The following NCAM2 variants were observed in gnomAD, a reference collection of about 807,000 sequenced individuals.
NCAM2 encodes the protein N-CAM-2.
NCAM2 carries 30 observed loss-of-function variants against 98.1 expected under a neutral mutation model. The ratio of observed to expected loss-of-function variants is 0.31; its 90% CI spans 0.23 to 0.41. The LOEUF (loss-of-function observed/expected upper bound fraction) is 0.41, where lower values mean the gene tolerates loss of function less well. Among genes scored for constraint, NCAM2 ranks in the 10% least tolerant of loss-of-function variants. The pLI is 1.00. For missense variants in NCAM2, 867 were observed against 1,005.8 expected, an observed-to-expected ratio of 0.86 and a Z score of 1.87; for synonymous variants, 368 against 342.4, an observed-to-expected ratio of 1.07 and a Z score of -0.83.
chr21:21,410,169 T>C, intron 9 of NCAM2, 105 bp from the exon 10 acceptor site: 1 of 645,912 alleles, frequency 1.5e-6, no homozygotes, highest in Non-Finnish European at 2.3e-6. Context: ...ATTAGAATTA[T>C]GTGGCTTCTT....
At chr21:21,356,772 T>G (rs1272224350) in intron 8 of NCAM2, among the ~76,000 whole-genome samples, 1 of 152,012 alleles carries the variant, frequency 6.6e-6, no homozygotes, top group Admixed American at 6.6e-5. Flanking sequence ...GGCTGGATCA[T>G]CTGAGGTCGG....
intron 1 of NCAM2, among the ~76,000 whole-genome samples, chr21:21,146,573 A>G (rs2067280888): frequency 6.8e-6 from 1 of 147,384 alleles, no homozygotes; most frequent in Non-Finnish European, 1.5e-5. Context: ...ATATATATAT[A>G]TGGATTATAT....
intron 6 of NCAM2, among the ~76,000 whole-genome samples, chr21:21,326,212 A>T (rs2074507295): frequency 6.6e-6 from 1 of 152,160 alleles, no homozygotes; most frequent in Non-Finnish European, 1.5e-5. Context: ...CTTGAAAAAT[A>T]TGACACCAGG....
chr21:21,396,457 C>T lies in NCAM2; in HGVS notation c.1196-13817C>T, dbSNP rs543506572. On this transcript the variant is annotated intron_variant, in intron 9 of 17. Coordinates refer to ENST00000400546, the MANE Select transcript of NCAM2 (RefSeq NM_004540.5). Reference sequence around the variant, plus strand: ...TGGGATCTTTACAGTGTCACTTTGCCAGCCAGAAACTTCTGTGGCTGGTAG... The same window carrying T: ...TGGGATCTTTACAGTGTCACTTTGCTAGCCAGAAACTTCTGTGGCTGGTAG... 5.3e-4 allele frequency among the ~76,000 whole-genome samples: 80 copies of T among 152,254 alleles called. No homozygotes were observed. In the South Asian group the frequency reaches 0.012, roughly 24 times the overall value.
intron 1 of NCAM2, among the ~76,000 whole-genome samples, chr21:21,254,197 C>T (rs762596241): frequency 4.6e-5 from 7 of 152,124 alleles, no homozygotes; most frequent in Non-Finnish European, 8.8e-5. Flanking sequence ...GCACATTTAG[C>T]GTATTATTCC....
At chr21:21,484,678 G>T (rs1450063871) in intron 15 of NCAM2, among the ~76,000 whole-genome samples, 1 of 152,026 alleles carries the variant, frequency 6.6e-6, no homozygotes, top group East Asian at 1.9e-4. Context: ...AATTAATTAT[G>T]CATGTATCTT....
At chr21:21,252,130 C>G (rs2071497239) in intron 1 of NCAM2, among the ~76,000 whole-genome samples, 1 of 151,888 alleles carries the variant, frequency 6.6e-6, no homozygotes. Context: ...TAGAGAAATG[C>G]AAATCAAAAC....
chr21:21,017,522 G>A (rs1449047544), intron 1 of NCAM2, among the ~76,000 whole-genome samples: 11 of 150,752 alleles, frequency 7.3e-5, no homozygotes, highest in African/African-American at 1.2e-4. Context: ...GAAATGGACC[G>A]ATGAGGCAAG....
chr21:21,335,291 T>C (rs1392045206), intron 6 of NCAM2, among the ~76,000 whole-genome samples: 1 of 152,154 alleles, frequency 6.6e-6, no homozygotes, highest in Non-Finnish European at 1.5e-5. Flanking sequence ...ATGTTATTCT[T>C]GTGTTTACAT....
intron 9 of NCAM2, among the ~76,000 whole-genome samples, chr21:21,397,649 T>C (rs908096591): frequency 1.3e-5 from 2 of 152,126 alleles, no homozygotes; most frequent in African/African-American, 4.8e-5. Context: ...AAGGGGGAGT[T>C]CCTCACCTCC....
At chr21:21,476,899 T>A (rs1602454867) in intron 14 of NCAM2, among the ~76,000 whole-genome samples, 1 of 152,134 alleles carries the variant, frequency 6.6e-6, no homozygotes, top group Non-Finnish European at 1.5e-5. Flanking sequence ...CCCTGGCAAT[T>A]CTTTTAATGG....
At chr21:21,080,664 A>G (rs2065776517) in intron 1 of NCAM2, among the ~76,000 whole-genome samples, 1 of 143,796 alleles carries the variant, frequency 7.0e-6, no homozygotes, top group Non-Finnish European at 1.5e-5. Context: ...CTCAAAAAAA[A>G]AAAAAAAAAA....
intron 1 of NCAM2, among the ~76,000 whole-genome samples, chr21:21,090,928 C>A (rs1398034600): frequency 6.6e-6 from 1 of 152,184 alleles, no homozygotes; most frequent in African/African-American, 2.4e-5. Flanking sequence ...CACAACCCCA[C>A]CCCTAAATTC....
At chr21:21,162,926 A>G (rs1192959689) in intron 1 of NCAM2, among the ~76,000 whole-genome samples, 1 of 152,178 alleles carries the variant, frequency 6.6e-6, no homozygotes, top group Non-Finnish European at 1.5e-5. Flanking sequence ...TTTGCCACTT[A>G]GAAGAAATTT....
chr21:21,328,476 GC>G (rs1458296560), intron 6 of NCAM2, among the ~76,000 whole-genome samples: 1 of 151,786 alleles, frequency 6.6e-6, no homozygotes, highest in Non-Finnish European at 1.5e-5. Context: ...GCCTGTTATT[GC>G]CCCCAAAAGA....
chr21:21,259,715 G>A (rs990939998), intron 1 of NCAM2, among the ~76,000 whole-genome samples: 5 of 152,024 alleles, frequency 3.3e-5, no homozygotes, highest in African/African-American at 9.7e-5. Flanking sequence ...TGGATTAAAT[G>A]TACAATGGAT....
At position 21,432,187 on chromosome 21, in the gene NCAM2, C is replaced by T; in HGVS notation, c.1560C>T (p.Asp520=). 6.2e-7 allele frequency: 1 copy of T among 1,614,042 alleles called. No homozygotes were observed. Among genetic ancestry groups the T allele is most frequent in the Non-Finnish European group, 8.5e-7 (1 of 1,179,944 alleles). Residue 520 remains aspartate, a synonymous_variant, in exon 12 of 18, where the codon GAC becomes GAT. Coordinates refer to ENST00000400546, the MANE Select transcript of NCAM2 (RefSeq NM_004540.5). ...TTAKVSFNKP[D]SHGGVPIHHY... Reference sequence around the variant, plus strand: ...CCAAGGTTTCCTTCAACAAACCGGACTCCCATGGAGGTGTACCTATTCATC... The same window carrying T: ...CCAAGGTTTCCTTCAACAAACCGGATTCCCATGGAGGTGTACCTATTCATC...
intron 16 of NCAM2, among the ~76,000 whole-genome samples, chr21:21,511,955 T>C (rs1009702617): frequency 1.3e-5 from 2 of 152,018 alleles, no homozygotes; most frequent in Non-Finnish European, 2.9e-5. Flanking sequence ...TGTTTTGTTT[T>C]TTTCCTGTTT....
intron 8 of NCAM2, among the ~76,000 whole-genome samples, chr21:21,364,223 T>C (rs1204495802): frequency 6.6e-6 from 1 of 152,016 alleles, no homozygotes; most frequent in East Asian, 1.9e-4. Flanking sequence ...GTTTCTTTCA[T>C]GTTCTGTATA....
Sources: gnomAD v4.1 joint callset for allele counts (sites outside exome capture counted in the v4.1 genomes callset) on GRCh38, gnomAD v4.1.1 for gene constraint, MANE v1.5 for transcripts, NCBI Gene and HGNC (gene_info 2026-07-23, HGNC 2026-07-21) for gene names.